ANKH: variants seen among roughly 807,000 people sequenced by gnomAD.
ANKH encodes the protein mineralization regulator ANKH.
A neutral mutation model predicts 49.0 loss-of-function variants in ANKH; 15 were observed. The ratio of observed to expected loss-of-function variants is 0.31; its 90% CI spans 0.20 to 0.47. ANKH has a LOEUF of 0.47. Among genes scored for constraint, ANKH ranks in the 20% least tolerant of loss-of-function variants. The pLI, the probability that ANKH is intolerant of heterozygous loss-of-function variation, is 1.00. For synonymous variants in ANKH, 273 were observed against 260.0 expected (o/e 1.05, Z -0.48); for missense variants, 429 against 652.0 (o/e 0.66, Z 3.72).
intron 1 of ANKH, among the ~76,000 whole-genome samples, chr5:14,778,198 A>G (rs1470470533): frequency 6.6e-6 from 1 of 152,228 alleles, no homozygotes; most frequent in Non-Finnish European, 1.5e-5. Context: ...GTAGCTGTGC[A>G]TTCTTGCTGT....
chr5:14,867,279 G>C (rs1191319181), intron 1 of ANKH, among the ~76,000 whole-genome samples: 1 of 151,840 alleles, frequency 6.6e-6, no homozygotes. Context: ...GTATGGGCTT[G>C]AACCTTAGCT....
At chr5:14,849,193 C>A (rs1742057707) in intron 1 of ANKH, among the ~76,000 whole-genome samples, 1 of 152,190 alleles carries the variant, frequency 6.6e-6, no homozygotes, top group Non-Finnish European at 1.5e-5. Context: ...TACTAGAGAT[C>A]AGATTTCTTC....
chr5:14,754,381 T>C (rs1356008847), intron 4 of ANKH, among the ~76,000 whole-genome samples: 1 of 151,806 alleles, frequency 6.6e-6, no homozygotes, highest in Non-Finnish European at 1.5e-5. Flanking sequence ...TACAAATGTG[T>C]GCTCACAAAT....
chr5:14,755,795 C>A (rs1738865835), intron 4 of ANKH, 66 bp downstream of exon 4: 1 of 1,443,762 alleles, frequency 6.9e-7, no homozygotes, highest in Non-Finnish European at 9.8e-7. Flanking sequence ...ATATAAATCA[C>A]ACATCAGTTA....
At chr5:14,734,256 C>A (rs926705072) in intron 8 of ANKH, among the ~76,000 whole-genome samples, 10 of 151,334 alleles carry the variant, frequency 6.6e-5, no homozygotes, top group Non-Finnish European at 1.2e-4. Flanking sequence ...AACCACTCAC[C>A]CCCGTCACTC....
intron 1 of ANKH, among the ~76,000 whole-genome samples, chr5:14,842,076 A>G (rs989570083): frequency 4.6e-5 from 7 of 152,222 alleles, no homozygotes; most frequent in Non-Finnish European, 8.8e-5. Context: ...TAAACAGATA[A>G]ATGCTTTCAC....
intron 11 of ANKH, 110 bp from the exon 12 acceptor site, chr5:14,711,420 T>C (rs1737199170): frequency 3.4e-6 from 3 of 870,836 alleles, no homozygotes; most frequent in Non-Finnish European, 5.8e-6. Flanking sequence ...CACTGTAGGC[T>C]TAAACCTTCT....
intron 1 of ANKH, among the ~76,000 whole-genome samples, chr5:14,848,243 C>T (rs1742020754): frequency 6.6e-6 from 1 of 152,224 alleles, no homozygotes; most frequent in African/African-American, 2.4e-5. Flanking sequence ...ACTCAGCTCA[C>T]ACCCAACCAA....
intron 8 of ANKH, among the ~76,000 whole-genome samples, chr5:14,740,054 TC>T (rs1738305700): frequency 6.6e-6 from 1 of 152,158 alleles, no homozygotes; most frequent in Admixed American, 6.5e-5. Context: ...GAGGTGAATG[TC>T]CTTAAGCCCA....
chr5:14,711,238 C>T lies in ANKH; in HGVS notation c.1438G>A (p.Glu480Lys). 2.5e-6 allele frequency: 4 copies of T among 1,614,150 alleles called. No homozygotes were observed. Among genetic ancestry groups the T allele is most frequent in the Non-Finnish European group, 3.4e-6 (4 of 1,180,020 alleles). The change falls in exon 12 of 12, where the codon GAG becomes AAG. Residue 480 changes from glutamate to lysine, a missense_variant. Physicochemically the swap from Glu to Lys is moderately conservative, Grantham distance 56. Coordinates refer to ENST00000284268, the MANE Select transcript of ANKH (RefSeq NM_054027.6). ...CTCATTTCCACGATGTCTGTCACCT[C>T]CTCTGTCGGAGGCATGTCTGTCATG... Reference protein sequence around the residue: ...SAMTDMPPTEEVTDIVEMREE... With the variant: ...SAMTDMPPTEKVTDIVEMREE...
chr5:14,743,104 C>T (rs536061468), intron 7 of ANKH, among the ~76,000 whole-genome samples: 13 of 152,334 alleles, frequency 8.5e-5, no homozygotes, highest in Admixed American at 3.3e-4. Flanking sequence ...AAATCCCTTC[C>T]ACCACCAGCA....
intron 8 of ANKH, among the ~76,000 whole-genome samples, chr5:14,730,575 G>T (rs545394841): frequency 6.6e-6 from 1 of 152,292 alleles, no homozygotes; most frequent in Admixed American, 6.5e-5. Context: ...TTCACCTGAG[G>T]GCAGGGGTTT....
At chr5:14,736,908 C>T (rs1738204896) in intron 8 of ANKH, among the ~76,000 whole-genome samples, 1 of 152,178 alleles carries the variant, frequency 6.6e-6, no homozygotes, top group African/African-American at 2.4e-5. Context: ...CTCTATGTCT[C>T]CTGAAGCAGA....
rs764420973 is a variant in ANKH at position 14,749,241 on chromosome 5, C to T, written c.753G>A (p.Gln251=). 1.2e-6 allele frequency: 2 copies of T among 1,614,196 alleles called. No individual in the cohort carries two copies. Among genetic ancestry groups the T allele is most frequent in the East Asian group, 4.5e-5 (2 of 44,888 alleles). ...GGTTGACAATAGGCCGACTGATTCT[C>T]TGTGTGGCCAGAATTAGAGCCAAAG... ...WWPLALILAT[Q]RISRPIVNLF... The change falls in exon 6 of 12, where the codon CAG becomes CAA. Residue 251 remains glutamine (Q), a synonymous_variant. Coordinates refer to ENST00000284268, the MANE Select transcript of ANKH (RefSeq NM_054027.6).
chr5:14,844,950 CAG>C (rs2126613848), intron 1 of ANKH, among the ~76,000 whole-genome samples: 2 of 151,996 alleles, frequency 1.3e-5, no homozygotes, highest in South Asian at 4.1e-4. Flanking sequence ...ATGTTTCCCT[CAG>C]GGGAGAAATT....
At chr5:14,842,433 T>C (rs992617397) in intron 1 of ANKH, among the ~76,000 whole-genome samples, 3 of 152,150 alleles carry the variant, frequency 2.0e-5, no homozygotes, top group African/African-American at 7.2e-5. Flanking sequence ...AGTTCGGCAA[T>C]GTCTTATGGA....
Position 14,711,245 on chromosome 5 carries a change from C to T in ANKH, c.1431G>A (p.Pro477=), listed in dbSNP as rs151281757. The change falls in exon 12 of 12, where the codon CCG becomes CCA. Residue 477 remains proline, a synonymous_variant. Transcript: ENST00000284268. The part of the protein sequence containing the change: ...GEDSAMTDMP[P]TEEVTDIVEM... The stretch of plus-strand genomic sequence containing the variant: ...CCACGATGTCTGTCACCTCCTCTGT[C>T]GGAGGCATGTCTGTCATGGCAGAGT... The T allele has an allele frequency of 4.7e-4, 760 of 1,614,128 alleles. 1 individual carries two copies. Among genetic ancestry groups the T allele is most frequent in the Non-Finnish European group, 5.5e-4 (646 of 1,180,010 alleles).
At chr5:14,747,449 G>T (rs529373055) in intron 6 of ANKH, among the ~76,000 whole-genome samples, 1 of 152,140 alleles carries the variant, frequency 6.6e-6, no homozygotes, top group East Asian at 1.9e-4. Context: ...GGGCATGGTG[G>T]CTTAGGAGGC....
intron 1 of ANKH, among the ~76,000 whole-genome samples, chr5:14,789,078 A>G (rs1419662610): frequency 6.6e-6 from 1 of 152,144 alleles, no homozygotes; most frequent in African/African-American, 2.4e-5. Flanking sequence ...AAATACAAAA[A>G]TTAGCCAGGC....
Sources: allele counts gnomAD v4.1 joint callset (sites outside exome capture counted in the v4.1 genomes callset), GRCh38; gene constraint gnomAD v4.1.1; transcripts MANE v1.5; gene names NCBI Gene and HGNC (gene_info 2026-07-23, HGNC 2026-07-21).